GK: variants seen among roughly 807,000 people sequenced by gnomAD.
The protein encoded by GK is glycerol kinase.
A neutral mutation model predicts 56.4 loss-of-function variants in GK; 9 were observed. The observed-to-expected ratio is 0.16, with a 90% CI of 0.10 to 0.28. The LOEUF (loss-of-function observed/expected upper bound fraction) is 0.28. GK is among the 10% of genes least tolerant of loss of function. The pLI is 1.00. For missense variants in GK, 161 were observed against 431.4 expected (o/e 0.37, Z 5.55); for synonymous variants, 104 against 144.1 (o/e 0.72, Z 1.99).
chrX:30,708,359 T>C (rs1350648552), intron 13 of GK, among the ~76,000 whole-genome samples: 1 of 110,545 alleles, frequency 9.0e-6, no homozygotes, highest in Non-Finnish European at 1.9e-5. Flanking sequence ...CAATTAATCA[T>C]GTCACCTTAG....
chrX:30,660,837 G>A (rs1415029490), intron 1 of GK, among the ~76,000 whole-genome samples: 177 of 96,397 alleles, frequency 1.8e-3, no homozygotes, highest in Non-Finnish European at 3.1e-3. Context: ...TTTCCGAGAC[G>A]GAGTCTCGCT....
intron 11 of GK, among the ~76,000 whole-genome samples, chrX:30,702,728 T>C (rs774712195): frequency 2.0e-4 from 23 of 112,713 alleles, no homozygotes; most frequent in Admixed American, 9.4e-4. Flanking sequence ...TACATTTAAT[T>C]GCTATTTTCT....
chrX:30,668,808 A>G (rs1933262625), intron 3 of GK, among the ~76,000 whole-genome samples: 1 of 111,647 alleles, frequency 9.0e-6, no homozygotes, highest in East Asian at 2.8e-4. Flanking sequence ...AGTAGATGGT[A>G]AAGGCAAAAG....
intron 4 of GK, among the ~76,000 whole-genome samples, chrX:30,678,682 T>TTTCC (rs1234167073): frequency 9.4e-6 from 1 of 106,059 alleles, no homozygotes; most frequent in Non-Finnish European, 1.9e-5. Flanking sequence ...TTTTTTTTTT[T>TTTCC]TTTCTTTCCT....
intron 1 of GK, among the ~76,000 whole-genome samples, chrX:30,655,708 T>G (rs1374113252): frequency 8.9e-6 from 1 of 112,240 alleles, no homozygotes. Flanking sequence ...TTTTGACTGT[T>G]CATTATTGCT....
intron 13 of GK, among the ~76,000 whole-genome samples, chrX:30,717,413 A>T (rs1352164185): frequency 6.3e-5 from 7 of 110,531 alleles, no homozygotes; most frequent in Non-Finnish European, 5.7e-5. Context: ...ATATTTACAG[A>T]TTTTTACAAC....
Position 30,707,634 on chromosome X carries a change from C to T in GK, c.894+36C>T, listed in dbSNP as rs758082925. On this transcript the variant is annotated intron_variant, in intron 12 of 20. Transcript: ENST00000427190. ...TAAATTAAAAAATTGATTTAAAAGTCTAAGTTCATCTAAATAATGCTTGAA... is the reference window on the plus strand; with the variant it reads ...TAAATTAAAAAATTGATTTAAAAGTTTAAGTTCATCTAAATAATGCTTGAA... The T allele has an allele frequency of 9.6e-6, 7 of 726,656 alleles. No individual in the cohort carries two copies. In the East Asian group the frequency reaches 2.2e-4, roughly 23 times the overall value. 59.9% of individuals were successfully genotyped at this position (726,656 alleles called of 1,213,427 possible). A position where few individuals can be genotyped will look rare whatever the true frequency, so the allele number is the denominator to read the frequency against.
At chrX:30,689,679 A>ATC in intron 4 of GK, 1 of 291,423 alleles carries the variant, frequency 3.4e-6, no homozygotes, top group Admixed American at 3.5e-5. Context: ...CTCTTTGACC[A>ATC]CATGTTTCCT....
At chrX:30,691,660 G>A (rs907018537) in intron 5 of GK, among the ~76,000 whole-genome samples, 19 of 109,388 alleles carry the variant, frequency 1.7e-4, no homozygotes, top group African/African-American at 5.0e-4. Context: ...TTTTAGTAGA[G>A]ATGGGGTTTC....
At chrX:30,717,697 CATACTG>C (rs1196061141) in intron 13 of GK, among the ~76,000 whole-genome samples, 4 of 112,252 alleles carry the variant, frequency 3.6e-5, no homozygotes, top group African/African-American at 1.3e-4. Context: ...ATTGTGTAGA[CATACTG>C]CGTTTTATCT....
At chrX:30,693,366 T>G (rs1601914327) in intron 5 of GK, among the ~76,000 whole-genome samples, 1 of 111,155 alleles carries the variant, frequency 9.0e-6, no homozygotes, top group East Asian at 2.8e-4. Context: ...ATTTAGTGTT[T>G]AATATACTAA....
At chrX:30,723,996 G>A (rs1050711813) in intron 18 of GK, 105 bp from the exon 19 acceptor site, 4 of 555,075 alleles carry the variant, frequency 7.2e-6, no homozygotes, top group Non-Finnish European at 1.3e-5. Context: ...GCAGTTTAAT[G>A]TGTGCAATAA....
chrX:30,660,437 T>C (rs765536606), intron 1 of GK, among the ~76,000 whole-genome samples: 1 of 110,927 alleles, frequency 9.0e-6, no homozygotes, highest in Non-Finnish European at 1.9e-5. Context: ...GAATGAGTGA[T>C]TTCTAATCCT....
chrX:30,673,956 C>T (rs1312977213), intron 3 of GK, among the ~76,000 whole-genome samples: 1 of 111,187 alleles, frequency 9.0e-6, no homozygotes, highest in African/African-American at 3.3e-5. Flanking sequence ...CAATATGTAC[C>T]CATAGAGCTG....
In GK at chrX:30,705,505, G is replaced by A. The variant is rs775972390; in HGVS notation, c.852-2051G>A. Among the ~76,000 whole-genome samples, 4 of 112,390 alleles carry A rather than the reference G, an allele frequency of 3.6e-5. No homozygotes were observed. The South Asian group carries it at 1.1e-3, about 31-fold the overall frequency. On this transcript the variant is annotated intron_variant, in intron 11 of 20. Transcript: ENST00000427190. ...GGGGTCAACCCCCCTGCCCCTATGC[G>A]CCATCTTCGTCACACCTCTCTGGGC...
chrX:30,685,929 A>T (rs1934584364), intron 4 of GK, among the ~76,000 whole-genome samples: 1 of 112,084 alleles, frequency 8.9e-6, no homozygotes, highest in African/African-American at 3.2e-5. Flanking sequence ...GACGGACTAT[A>T]AGGCTTCAGT....
intron 9 of GK, among the ~76,000 whole-genome samples, 168 bp downstream of exon 9, chrX:30,697,917 AC>A (rs1465843820): frequency 9.0e-6 from 1 of 111,588 alleles, no homozygotes; most frequent in Non-Finnish European, 1.9e-5. Context: ...TTTTACAAAA[AC>A]TTAATCTTGT....
At chrX:30,699,296 TAAC>T (rs1935492314) in intron 9 of GK, among the ~76,000 whole-genome samples, 1 of 90,957 alleles carries the variant, frequency 1.1e-5, no homozygotes, top group East Asian at 3.4e-4. Context: ...ATGTTATACA[TAAC>T]ATGTATATAT....
chrX:30,699,225 T>G (rs1258061463), intron 9 of GK, among the ~76,000 whole-genome samples: 1 of 99,696 alleles, frequency 1.0e-5, no homozygotes, highest in Non-Finnish European at 2.0e-5. Context: ...ACATGTTATA[T>G]ATACATGTTA....
Sources: allele counts gnomAD v4.1 joint callset (sites outside exome capture counted in the v4.1 genomes callset), GRCh38; gene constraint gnomAD v4.1.1; transcripts MANE v1.5; gene names NCBI Gene and HGNC (gene_info 2026-07-23, HGNC 2026-07-21).